HMCN1: variants seen among roughly 807,000 people sequenced by gnomAD.
HMCN1 encodes hemicentin-1.
Under a neutral mutation model 625.9 loss-of-function variants are expected in HMCN1, and 321 were observed. The observed-to-expected ratio is 0.51, with a 90% confidence interval of 0.47 to 0.56. The LOEUF (loss-of-function observed/expected upper bound fraction) is 0.56, where lower values mean the gene tolerates loss of function less well. Ranked by LOEUF, HMCN1 falls within the 20% of genes least tolerant of loss-of-function variation. HMCN1 has a pLI of 0.00. For synonymous variants in HMCN1, 2,425 were observed against 2,417.6 expected (o/e 1.00, Z -0.09); for missense variants, 6,588 against 6,887.3 (o/e 0.96, Z 1.54).
chr1:185,841,822 G>T (rs1441787807), intron 1 of HMCN1, among the ~76,000 whole-genome samples: 2 of 152,126 alleles, frequency 1.3e-5, no homozygotes, highest in Non-Finnish European at 2.9e-5. Context: ...ACCCTATGAG[G>T]TGGTTATAAG....
Position 186,007,129 on chromosome 1 carries a change from C to A in HMCN1, c.4477C>A (p.Pro1493Thr). The A allele has an allele frequency of 6.2e-7, 1 of 1,609,474 alleles. No homozygotes were observed. Among genetic ancestry groups the A allele is most frequent in the East Asian group, 2.2e-5 (1 of 44,752 alleles). ...GGAATAAAGTTTTATTTTTTCTAGG[C>A]CTTTATTTTTGGGCGATCCTAATGT... is the stretch of plus-strand genomic sequence containing the variant. ...PDIHWFKDGK[P>T]LFLGDPNVEL... is the part of the protein sequence containing the mutation. Residue 1493 changes from proline (P) to threonine (T), a missense_variant and splice_region_variant, in exon 30 of 107, where the codon CCT becomes ACT. Pro to Thr is a conservative substitution (Grantham distance 38). Around this residue, in one of 3 missense-constraint regions of HMCN1, gnomAD observed 4,628 missense variants for 4,853.1 expected, o/e 0.95. Coordinates refer to ENST00000271588, the MANE Select transcript of HMCN1 (RefSeq NM_031935.3).
At chr1:185,964,600 TATTGA>T (rs1650262432) in intron 13 of HMCN1, among the ~76,000 whole-genome samples, 1 of 152,122 alleles carries the variant, frequency 6.6e-6, no homozygotes, top group East Asian at 1.9e-4. Context: ...ATGTCACAAG[TATTGA>T]ATTGAGAGCC....
intron 11 of HMCN1, among the ~76,000 whole-genome samples, chr1:185,952,326 G>T (rs1422642842): frequency 6.6e-6 from 1 of 151,600 alleles, no homozygotes; most frequent in Non-Finnish European, 1.5e-5. Context: ...AGGAAGAATT[G>T]GGACCTAGCT....
At chr1:185,882,892 A>G (rs893861212) in intron 4 of HMCN1, among the ~76,000 whole-genome samples, 2 of 152,130 alleles carry the variant, frequency 1.3e-5, no homozygotes, top group Admixed American at 6.6e-5. Context: ...GGCAAAAGGT[A>G]GAGTCCTCCA....
At position 185,924,215 on chromosome 1, in the gene HMCN1, C is replaced by CTTTTTTTTTTTTTTT. The variant is rs58164381; in HGVS notation, c.1285+581_1285+595dup. ...GCTCATGACTGAACTCTGACCCAAT[C>CTTTTTTTTTTTTTTT]TTTTTTTTTTTTTTTTTTTTTTTTT... On this transcript the variant is annotated intron_variant, in intron 8 of 106. Coordinates refer to ENST00000271588, the MANE Select transcript of HMCN1 (RefSeq NM_031935.3). Among the ~76,000 whole-genome samples the CTTTTTTTTTTTTTTT allele has an allele frequency of 3.2e-4, 14 of 43,626 alleles. 3 individuals carry two copies. Among genetic ancestry groups the CTTTTTTTTTTTTTTT allele is most frequent in the African/African-American group, 1.2e-3 (13 of 11,296 alleles). The allele number at this position is 43,626 out of a possible 152,430, so 28.6% of individuals were successfully genotyped here.
intron 61 of HMCN1, 65 bp from the exon 62 acceptor site, chr1:186,088,080 T>C: frequency 6.2e-7 from 1 of 1,610,290 alleles, no homozygotes; most frequent in South Asian, 1.1e-5. Context: ...TGTTCCAAAT[T>C]AGCTTAATGA....
At position 185,951,509 on chromosome 1, in the gene HMCN1, A is replaced by G. The variant is rs1297980478; in HGVS notation, c.1829-11009A>G. On this transcript the variant is annotated intron_variant, in intron 11 of 106. Transcript: ENST00000271588. Reference sequence around the variant, plus strand: ...CCACTGTGAGAGTTACCCGAAGCTCAGTGTCCATGATGGTCTAGGGGGCTT... The same window carrying G: ...CCACTGTGAGAGTTACCCGAAGCTCGGTGTCCATGATGGTCTAGGGGGCTT... Among the ~76,000 whole-genome samples, 29 of 149,862 alleles carry G rather than the reference A, an allele frequency of 1.9e-4. 1 individual carries two copies. Among genetic ancestry groups the G allele is most frequent in the East Asian group, 5.8e-4 (3 of 5,172 alleles).
At chr1:186,104,346 A>C (rs1056084404) in intron 69 of HMCN1, among the ~76,000 whole-genome samples, 9 of 152,330 alleles carry the variant, frequency 5.9e-5, no homozygotes, top group African/African-American at 2.2e-4. Flanking sequence ...TGATGTGCTT[A>C]GACTGGTGCC....
At chr1:186,028,748 G>A (rs1188954692) in intron 36 of HMCN1, among the ~76,000 whole-genome samples, 5 of 139,840 alleles carry the variant, frequency 3.6e-5, no homozygotes, top group Admixed American at 2.2e-4. Flanking sequence ...TTTTTGAGAC[G>A]GAGTCTCGCA....
intron 1 of HMCN1, among the ~76,000 whole-genome samples, chr1:185,773,469 A>G (rs1234099519): frequency 6.6e-6 from 1 of 152,184 alleles, no homozygotes; most frequent in Non-Finnish European, 1.5e-5. Flanking sequence ...TGATGATGTT[A>G]TGTCTGCACA....
chr1:186,182,277 G>A lies in HMCN1; in HGVS notation c.16404G>A (p.Lys5468=), dbSNP rs1420934740. ...GCTATCAACTCACACACAATGGAAAGACATGCCAAGGTGAGAAAACATTGG... is the reference window on the plus strand; with the variant it reads ...GCTATCAACTCACACACAATGGAAAAACATGCCAAGGTGAGAAAACATTGG... The part of the protein sequence containing the change: ...PPGYQLTHNG[K]TCQDIDECLE... Residue 5468 remains lysine, a synonymous_variant, in exon 105 of 107, where the codon AAG becomes AAA. Coordinates refer to ENST00000271588, the MANE Select transcript of HMCN1 (RefSeq NM_031935.3). The A allele has an allele frequency of 6.2e-7, 1 of 1,613,294 alleles. No individual in the cohort carries two copies. The highest frequency in any genetic ancestry group is 2.2e-5 in the East Asian group (1 of 44,856).
In HMCN1 at chr1:186,006,311, G is replaced by A. The variant is rs189279263; in HGVS notation, c.4476-817G>A. Among the ~76,000 whole-genome samples the A allele has an allele frequency of 2.0e-3, 302 of 152,178 alleles. 2 individuals carry two copies. Among genetic ancestry groups the A allele is most frequent in the African/African-American group, 7.1e-3 (293 of 41,540 alleles). On this transcript the variant is annotated intron_variant, in intron 29 of 106. Coordinates refer to ENST00000271588, the MANE Select transcript of HMCN1 (RefSeq NM_031935.3). ...ACTAGTGTATTATGAATATGGCAGT[G>A]CATCTAATTATTCATTATGTGGCTA... is the stretch of plus-strand genomic sequence containing the variant.
intron 42 of HMCN1, among the ~76,000 whole-genome samples, chr1:186,049,442 C>T (rs920711292): frequency 6.6e-6 from 1 of 150,502 alleles, no homozygotes; most frequent in Admixed American, 6.6e-5. Context: ...CTTATTCACT[C>T]GTGTGGTGGG....
In HMCN1 at chr1:185,989,519, A is replaced by C; in HGVS notation, c.3080A>C (p.Lys1027Thr). The C allele has an allele frequency of 6.2e-7, 1 of 1,614,052 alleles. No individual in the cohort carries two copies. Among genetic ancestry groups the C allele is most frequent in the East Asian group, 2.2e-5 (1 of 44,870 alleles). The change falls in exon 21 of 107, where the codon AAG becomes ACG. Residue 1027 changes from lysine (K) to threonine (T), a missense_variant. Transcript: ENST00000271588. ...GAGCTGATTTCAACCAGCAGTGCTA[A>C]GTTTTCAGCAGGAGCTGATGGTAGT... Reference protein sequence around the residue: ...KGELISTSSAKFSAGADGSLY... With the variant: ...KGELISTSSATFSAGADGSLY...
chr1:185,785,453 A>T (rs1262340674), intron 1 of HMCN1, among the ~76,000 whole-genome samples: 1 of 152,188 alleles, frequency 6.6e-6, no homozygotes, highest in African/African-American at 2.4e-5. Context: ...GTCAGTTTTA[A>T]TCTATTTTGT....
Position 185,981,006 on chromosome 1 carries a change from T to C in HMCN1, c.2595T>C (p.Tyr865=). The change falls in exon 17 of 107, where the codon TAT becomes TAC. Residue 865 remains tyrosine (Y), a synonymous_variant. Transcript: ENST00000271588. The part of the protein sequence containing the change: ...LNLWASDKGT[Y]ICEAENQFGK... ...TATGGGCAAGTGATAAAGGAACCTA[T>C]ATTTGTGAAGCTGAAAACCAGTTTG... The C allele has an allele frequency of 1.2e-6, 2 of 1,611,146 alleles. No homozygotes were observed. Among genetic ancestry groups the C allele is most frequent in the Non-Finnish European group, 1.7e-6 (2 of 1,177,374 alleles).
intron 1 of HMCN1, among the ~76,000 whole-genome samples, chr1:185,738,301 T>A (rs1653736222): frequency 6.6e-6 from 1 of 152,144 alleles, no homozygotes; most frequent in African/African-American, 2.4e-5. Flanking sequence ...CAGCTTTCAG[T>A]CTCCTATACC....
At chr1:185,790,087 C>A (rs1329856374) in intron 1 of HMCN1, among the ~76,000 whole-genome samples, 1 of 152,154 alleles carries the variant, frequency 6.6e-6, no homozygotes, top group Non-Finnish European at 1.5e-5. Context: ...AGACACACAC[C>A]CTACTTAGTG....
chr1:185,919,262 A>G (rs1160947790), intron 6 of HMCN1, among the ~76,000 whole-genome samples: 2 of 152,000 alleles, frequency 1.3e-5, no homozygotes, highest in Admixed American at 6.6e-5. Flanking sequence ...CTCTAACCCC[A>G]TCAGGTTCAT....
Sources: gnomAD v4.1 joint callset for allele counts (sites outside exome capture counted in the v4.1 genomes callset) on GRCh38, gnomAD v4.1.1 for gene constraint, gnomAD v4.1.1 regional missense constraint, MANE v1.5 for transcripts, NCBI Gene and HGNC (gene_info 2026-07-23, HGNC 2026-07-21) for gene names.